The following PARD3B variants were observed in gnomAD, a reference collection of about 807,000 sequenced individuals.
The protein encoded by PARD3B is partitioning defective 3 homolog B.
PARD3B carries 103 observed loss-of-function variants against 130.2 expected under a neutral mutation model. The observed-to-expected ratio is 0.79, with a 90% CI of 0.67 to 0.93. PARD3B has a LOEUF of 0.93. Among genes scored for constraint, PARD3B ranks in the 40% least tolerant of loss-of-function variants. The pLI is 0.00. For missense variants in PARD3B, 1,609 were observed against 1,499.2 expected (o/e 1.07, Z -1.21); for synonymous variants, 583 against 553.2 (o/e 1.05, Z -0.76).
intron 2 of PARD3B, among the ~76,000 whole-genome samples, chr2:204,863,364 G>A (rs568257718): frequency 1.3e-5 from 2 of 152,138 alleles, no homozygotes; most frequent in African/African-American, 4.8e-5. Context: ...GTGAGGAGTC[G>A]TACTCTCAGC....
At chr2:204,911,519 G>A (rs548715743) in intron 2 of PARD3B, among the ~76,000 whole-genome samples, 2 of 152,128 alleles carry the variant, frequency 1.3e-5, no homozygotes, top group Non-Finnish European at 2.9e-5. Context: ...ATTTTCTATT[G>A]TAAATTTCCA....
At chr2:205,225,970 C>T (rs771558262) in intron 15 of PARD3B, among the ~76,000 whole-genome samples, 4 of 152,172 alleles carry the variant, frequency 2.6e-5, no homozygotes, top group Non-Finnish European at 5.9e-5. Flanking sequence ...ACTTTGTTCA[C>T]TGTTTCTTTT....
chr2:205,363,751 G>A (rs774206779), intron 18 of PARD3B, among the ~76,000 whole-genome samples: 3 of 151,014 alleles, frequency 2.0e-5, no homozygotes, highest in Non-Finnish European at 2.9e-5. Context: ...TGCAACCTCC[G>A]CCTCCCGGGT....
At chr2:205,533,779 G>C (rs1332260089) in intron 21 of PARD3B, among the ~76,000 whole-genome samples, 1 of 152,138 alleles carries the variant, frequency 6.6e-6, no homozygotes, top group Non-Finnish European at 1.5e-5. Context: ...ACCCAGGCTA[G>C]AGTGCAGGGG....
intron 18 of PARD3B, among the ~76,000 whole-genome samples, chr2:205,349,840 G>A (rs1448663389): frequency 7.6e-6 from 1 of 131,502 alleles, no homozygotes; most frequent in Non-Finnish European, 1.6e-5. Flanking sequence ...GGAAGCAAAA[G>A]GAGGAGAGTG....
At chr2:205,548,448 T>C (rs1171336493) in intron 21 of PARD3B, among the ~76,000 whole-genome samples, 1 of 152,096 alleles carries the variant, frequency 6.6e-6, no homozygotes, top group Non-Finnish European at 1.5e-5. Flanking sequence ...ACCAAAACCA[T>C]GTAGTTGCTG....
intron 20 of PARD3B, among the ~76,000 whole-genome samples, chr2:205,444,435 A>G (rs921230203): frequency 6.6e-6 from 1 of 152,226 alleles, no homozygotes; most frequent in Non-Finnish European, 1.5e-5. Context: ...ACCCTGGGTG[A>G]CAGAGAAAGA....
rs183046707 is a variant in PARD3B, at chr2:204,617,022, C to G, written c.121-69159C>G. Among the ~76,000 whole-genome samples, 49 of 152,258 alleles carry G rather than the reference C, an allele frequency of 3.2e-4. 4 individuals are homozygous for G. Among genetic ancestry groups the G allele is most frequent in the Admixed American group, 2.2e-3 (34 of 15,280 alleles). ...TTTCCAAACCTTTTATAAAATTTCT[C>G]CTTTAAAAACCCATGCCAAAGTTTT... On this transcript the variant is annotated intron_variant, in intron 1 of 22. Coordinates refer to ENST00000406610, the MANE Select transcript of PARD3B (RefSeq NM_001302769.2).
At chr2:204,715,142 AATCCTT>A (rs1559082511) in intron 2 of PARD3B, among the ~76,000 whole-genome samples, 1 of 152,146 alleles carries the variant, frequency 6.6e-6, no homozygotes, top group East Asian at 1.9e-4. Context: ...GTTCTTTAGA[AATCCTT>A]GTGTTCAGAA....
chr2:205,273,791 G>T (rs558801319), intron 16 of PARD3B, among the ~76,000 whole-genome samples: 1 of 152,126 alleles, frequency 6.6e-6, no homozygotes, highest in Non-Finnish European at 1.5e-5. Context: ...GTATACAGTC[G>T]CACCGTATTC....
rs1316053839 is a variant in PARD3B, at chr2:205,592,972, C to T, written c.3261-22484C>T. ...ATCTCATTGCCCAGCTAGGTGCAAC[C>T]TGGATAGACATTGTGGCCCATACCT... On this transcript the variant is annotated intron_variant, in intron 22 of 22. Transcript: ENST00000406610. The surrounding 1 kb of genome is among the most constrained non-coding windows in gnomAD (Gnocchi z 4.5). Among the ~76,000 whole-genome samples the T allele has an allele frequency of 1.3e-5, 2 of 152,240 alleles. No individual in the cohort carries two copies. The highest frequency in any genetic ancestry group is 2.1e-4 in the South Asian group (1 of 4,832).
At chr2:205,453,375 A>G (rs542150305) in intron 20 of PARD3B, among the ~76,000 whole-genome samples, 1 of 152,322 alleles carries the variant, frequency 6.6e-6, no homozygotes, top group Non-Finnish European at 1.5e-5. Flanking sequence ...GCCAGAGATG[A>G]AAGTTAGCAC....
chr2:204,829,998 C>CAAAA (rs745415671), intron 2 of PARD3B, among the ~76,000 whole-genome samples: 6 of 47,692 alleles, frequency 1.3e-4, no homozygotes, highest in African/African-American at 2.9e-4. Context: ...GACTCCGTCT[C>CAAAA]AAAAAAAAAA....
intron 2 of PARD3B, among the ~76,000 whole-genome samples, chr2:204,838,812 C>T (rs563657051): frequency 3.3e-5 from 5 of 152,054 alleles, no homozygotes; most frequent in Non-Finnish European, 7.4e-5. Flanking sequence ...TAAATTATTA[C>T]ATGTAACCAA....
In PARD3B at chr2:205,024,484, C is replaced by T. The variant is rs568908413; in HGVS notation, c.395-23097C>T. 4.6e-5 allele frequency among the ~76,000 whole-genome samples: 7 copies of T among 152,126 alleles called. No homozygotes were observed. The South Asian group carries it at 1.5e-3, about 32-fold the overall frequency. On this transcript the variant is annotated intron_variant, in intron 3 of 22. Coordinates refer to ENST00000406610, the MANE Select transcript of PARD3B (RefSeq NM_001302769.2). The stretch of plus-strand genomic sequence containing the variant: ...TTTTCTGCAAGAGTTTATTCTTCCT[C>T]CAGATTGTGCCTCATACCTATTTAA...
At chr2:204,961,603 A>G (rs1040741824) in intron 2 of PARD3B, among the ~76,000 whole-genome samples, 7 of 152,142 alleles carry the variant, frequency 4.6e-5, no homozygotes, top group Non-Finnish European at 7.3e-5. Flanking sequence ...TTAACCCATG[A>G]AACAGATGAT....
intron 1 of PARD3B, among the ~76,000 whole-genome samples, chr2:204,553,651 C>CATATATAT (rs55744172): frequency 4.3e-4 from 36 of 83,400 alleles, no homozygotes; most frequent in East Asian, 9.4e-4. Flanking sequence ...TATATATATC[C>CATATATAT]ATATATATAT....
chr2:204,932,695 A>G (rs573754205), intron 2 of PARD3B, among the ~76,000 whole-genome samples: 1 of 152,326 alleles, frequency 6.6e-6, no homozygotes, highest in East Asian at 1.9e-4. Context: ...ATTGGACAGT[A>G]GTATTGTGTA....
intron 15 of PARD3B, among the ~76,000 whole-genome samples, chr2:205,231,997 G>A (rs972031594): frequency 5.3e-5 from 8 of 152,210 alleles, no homozygotes; most frequent in Non-Finnish European, 1.0e-4. Context: ...CTCATAATCC[G>A]TAGGACATTG....
Sources: allele counts gnomAD v4.1 joint callset (sites outside exome capture counted in the v4.1 genomes callset), GRCh38; gene constraint gnomAD v4.1.1; non-coding constraint Gnocchi (gnomAD v3.1); transcripts MANE v1.5; gene names NCBI Gene and HGNC (gene_info 2026-07-23, HGNC 2026-07-21).